The following TRPM4 variants were observed in gnomAD, a reference collection of about 807,000 sequenced individuals.
The protein encoded by TRPM4 is transient receptor potential cation channel subfamily M member 4, also known as calcium-activated non-selective cation channel 1.
A neutral mutation model predicts 135.6 loss-of-function variants in TRPM4; 124 were observed. The ratio of observed to expected loss-of-function variants is 0.91; its 90% CI spans 0.79 to 1.06. The LOEUF (loss-of-function observed/expected upper bound fraction) is 1.06. Ranked by LOEUF, TRPM4 falls within the 50% of genes least tolerant of loss-of-function variation. TRPM4 has a pLI of 0.00. For synonymous variants in TRPM4, 745 were observed against 705.6 expected (o/e 1.06, Z -0.88); for missense variants, 1,658 against 1,671.4 (o/e 0.99, Z 0.14).
At chr19:49,200,589 A>G (rs1568488951) in intron 18 of TRPM4, 22 bp from the exon 19 acceptor site, 2 of 1,609,986 alleles carry the variant, frequency 1.2e-6, no homozygotes, top group Admixed American at 1.7e-5. Context: ...GCGGGGCCAG[A>G]CTCAGCCACA....
At chr19:49,203,482 A>C (rs1387621072) in intron 20 of TRPM4, among the ~76,000 whole-genome samples, 3 of 152,062 alleles carry the variant, frequency 2.0e-5, no homozygotes, top group Non-Finnish European at 4.4e-5. Flanking sequence ...GCCGGAGTTG[A>C]TTTTTACCAT....
At chr19:49,157,946 C>T (rs1206843552) in intron 1 of TRPM4, 56 bp downstream of exon 1, 5 of 1,520,644 alleles carry the variant, frequency 3.3e-6, no homozygotes, top group Non-Finnish European at 3.5e-6. Flanking sequence ...CGCCTCCAGG[C>T]TCCCAGAGAG....
At chr19:49,189,121 C>G (rs1292706719) in intron 14 of TRPM4, 30 bp downstream of exon 14, 3 of 1,613,686 alleles carry the variant, frequency 1.9e-6, no homozygotes, top group Non-Finnish European at 2.5e-6. Flanking sequence ...ACATCCCAAA[C>G]AGTCTCCAAG....
rs756332219 is a variant in TRPM4 at position 49,204,982 on chromosome 19, GTTT to G, written c.3131+2860_3131+2862del. On this transcript the variant is annotated intron_variant, in intron 20 of 24. Coordinates refer to ENST00000252826, the MANE Select transcript of TRPM4 (RefSeq NM_017636.4). ...ATATAAAATTTCATTGGCTTTGGTT[GTTT>G]TTTTTTTTTTTTTTTTTTCAGAGAT... Among the ~76,000 whole-genome samples the G allele has an allele frequency of 1.6e-4, 10 of 60,772 alleles. 1 individual carries two copies. In the South Asian group the frequency reaches 1.7e-3, roughly 10 times the overall value. 39.9% of individuals were successfully genotyped at this position (60,772 alleles called of 152,430 possible). A position where few individuals can be genotyped will look rare whatever the true frequency, so the allele number is the denominator to read the frequency against.
Position 49,210,142 on chromosome 19 carries a change from C to T in TRPM4, c.3132-67C>T. ...AGACTGAACAATTATTGCCTGGCATCTAACCTTCGTCCTTGCCCCTGGCTG... is the reference window on the plus strand; with the variant it reads ...AGACTGAACAATTATTGCCTGGCATTTAACCTTCGTCCTTGCCCCTGGCTG... On this transcript the variant is annotated intron_variant, in intron 20 of 24. Transcript: ENST00000252826. The surrounding 1 kb of genome is among the most constrained non-coding windows in gnomAD (Gnocchi z 4.1). The T allele has an allele frequency of 6.6e-7, 1 of 1,511,282 alleles. No individual in the cohort carries two copies. The allele number at this position is 1,511,282 out of a possible 1,614,324, so 93.6% of individuals were successfully genotyped here.
intron 10 of TRPM4, 32 bp downstream of exon 10, chr19:49,181,493 C>A (rs1568469756): frequency 8.0e-6 from 11 of 1,367,428 alleles, no homozygotes; most frequent in Non-Finnish European, 1.1e-5. Context: ...GTTGGGCATA[C>A]TGACAAAGGG....
chr19:49,181,663 C>G lies in TRPM4; in HGVS notation c.1263+202C>G, dbSNP rs955439707. On this transcript the variant is annotated intron_variant, in intron 10 of 24. Coordinates refer to ENST00000252826, the MANE Select transcript of TRPM4 (RefSeq NM_017636.4). ...TCTCCTGCCTCAGCCTCCCGAGTAG[C>G]TGGGACTACAGGCGCCCGCCACCAC... Among the ~76,000 whole-genome samples, 118 of 151,534 alleles carry G rather than the reference C, an allele frequency of 7.8e-4. 1 individual carries two copies. Among genetic ancestry groups the G allele is most frequent in the African/African-American group, 2.8e-3 (114 of 41,256 alleles).
chr19:49,211,336 C>T lies in TRPM4; in HGVS notation c.3640+67C>T, dbSNP rs1399998133. ...CCTGTATTTTTGCGTGTTTTTCTCT[C>T]TCGGCACCTTTCCAGTGTCCCTGGG... On this transcript the variant is annotated intron_variant, in intron 24 of 24. Transcript: ENST00000252826. This position sits in a 1 kb window ranked among gnomAD's most constrained non-coding sequence, Gnocchi z 4.8. The T allele has an allele frequency of 1.3e-6, 2 of 1,577,152 alleles. No homozygotes were observed. Among genetic ancestry groups the T allele is most frequent in the Non-Finnish European group, 1.7e-6 (2 of 1,153,918 alleles).
intron 3 of TRPM4, chr19:49,167,556 C>T (rs1177774664): frequency 8.1e-5 from 23 of 284,156 alleles, no homozygotes; most frequent in Non-Finnish European, 1.2e-4. Context: ...TCTCTGTCCC[C>T]GTCTCTCTGG....
chr19:49,193,086 T>G (rs900192262), intron 16 of TRPM4, among the ~76,000 whole-genome samples: 2 of 150,928 alleles, frequency 1.3e-5, no homozygotes, highest in Non-Finnish European at 3.0e-5. Flanking sequence ...GTTGGTTTTT[T>G]TTTTTTTTTT....
intron 20 of TRPM4, among the ~76,000 whole-genome samples, chr19:49,205,558 CAG>C (rs1457908666): frequency 9.3e-6 from 1 of 107,474 alleles, no homozygotes; most frequent in Non-Finnish European, 1.7e-5. Flanking sequence ...TTTTTGGAGA[CAG>C]AGTCTTGCTC....
Position 49,210,380 on chromosome 19 carries a change from G to A in TRPM4, c.3303G>A (p.Pro1101=), listed in dbSNP as rs1969305976. Residue 1101 remains proline (P), a synonymous_variant, in exon 21 of 25, where the codon CCG becomes CCA. Transcript: ENST00000252826. This position sits in a 1 kb window ranked among gnomAD's most constrained non-coding sequence, Gnocchi z 4.1. The part of the protein sequence containing the change: ...QLCRRPRSPQ[P]SSPALEHFRV... The stretch of plus-strand genomic sequence containing the variant: ...GCAGGCGACCCCGGAGCCCCCAGCC[G>A]TCCTCCCCGGCCCTCGAGCATTTCC... The A allele has an allele frequency of 2.5e-6, 4 of 1,613,780 alleles. No homozygotes were observed. The South Asian group carries it at 4.4e-5, about 18-fold the overall frequency.
intron 9 of TRPM4, among the ~76,000 whole-genome samples, chr19:49,175,722 G>A (rs1967662373): frequency 1.4e-5 from 2 of 147,706 alleles, no homozygotes; most frequent in Non-Finnish European, 1.5e-5. Flanking sequence ...GTGCAGTGGC[G>A]CGATCTCGGC....
Position 49,171,686 on chromosome 19 carries a change from A to G in TRPM4, c.967A>G (p.Ser323Gly). 7 of 1,613,818 alleles carry G rather than the reference A, an allele frequency of 4.3e-6. No homozygotes were observed. Among genetic ancestry groups the G allele is most frequent in the Non-Finnish European group, 5.9e-6 (7 of 1,179,978 alleles). The change falls in exon 8 of 25, where the codon AGT (serine) becomes GGT (glycine). Residue 323 changes from serine (S) to glycine (G), a missense_variant. Ser to Gly is a moderately conservative substitution (Grantham distance 56, BLOSUM62 0). Coordinates refer to ENST00000252826, the MANE Select transcript of TRPM4 (RefSeq NM_017636.4). This position sits in a 1 kb window ranked among gnomAD's most constrained non-coding sequence, Gnocchi z 4.7. ...CCTGGAAGACACTCTGGCCCCAGGG[A>G]GTGGGGGAGCCAGGCAAGGCGAAGC... ...ETLEDTLAPG[S>G]GGARQGEARD...
intron 10 of TRPM4, among the ~76,000 whole-genome samples, chr19:49,181,676 C>T (rs907873816): frequency 4.0e-5 from 6 of 151,664 alleles, no homozygotes; most frequent in African/African-American, 7.3e-5. Flanking sequence ...GGACTACAGG[C>T]GCCCGCCACC....
chr19:49,210,630 T>G lies in TRPM4; in HGVS notation c.3329-80T>G, dbSNP rs1237399194. ...GGGGCTGGGTCTGGGATAGCGTGCG[T>G]GTTCTGAGGGTGTCGGAAGGGGCAG... is the stretch of plus-strand genomic sequence containing the variant. On this transcript the variant is annotated intron_variant, in intron 21 of 24. Transcript: ENST00000252826. The surrounding 1 kb of genome is among the most constrained non-coding windows in gnomAD (Gnocchi z 4.1). 6.2e-6 allele frequency: 10 copies of G among 1,605,212 alleles called. No individual in the cohort carries two copies. In the East Asian group the frequency reaches 1.1e-4, roughly 18 times the overall value.
intron 17 of TRPM4, 132 bp downstream of exon 17, chr19:49,197,006 C>T: frequency 2.3e-6 from 2 of 879,694 alleles, no homozygotes; most frequent in South Asian, 3.5e-5. Context: ...ATTGAGAACC[C>T]CTCTTAGGAA....
At chr19:49,205,279 C>G (rs1294340776) in intron 20 of TRPM4, among the ~76,000 whole-genome samples, 1 of 152,036 alleles carries the variant, frequency 6.6e-6, no homozygotes, top group Non-Finnish European at 1.5e-5. Flanking sequence ...GTTCCATGCC[C>G]CTCCTGTCAC....
chr19:49,185,668 T>G (rs898041435), intron 12 of TRPM4, among the ~76,000 whole-genome samples: 1 of 152,168 alleles, frequency 6.6e-6, no homozygotes, highest in African/African-American at 2.4e-5. Context: ...AATCAGCTTA[T>G]GCCCTCCCTC....
Sources: gnomAD v4.1 joint callset for allele counts (sites outside exome capture counted in the v4.1 genomes callset) on GRCh38, gnomAD v4.1.1 for gene constraint, Gnocchi (gnomAD v3.1) non-coding constraint, MANE v1.5 for transcripts, NCBI Gene and HGNC (gene_info 2026-07-23, HGNC 2026-07-21) for gene names.